Variants in ANK2 observed in about 807,000 individuals in gnomAD.
The protein encoded by ANK2 is ankyrin-2.
Under a neutral mutation model 360.5 loss-of-function variants are expected in ANK2, and 83 were observed. The observed-to-expected ratio is 0.23, with a 90% CI of 0.19 to 0.28. The LOEUF is 0.28. Ranked by LOEUF, ANK2 falls within the 10% of genes least tolerant of loss-of-function variation. ANK2 has a pLI of 1.00. For synonymous variants in ANK2, 1,740 were observed against 1,759.5 expected, an observed-to-expected ratio of 0.99 and a Z score of 0.28; for missense variants, 4,201 against 4,795.7, an observed-to-expected ratio of 0.88 and a Z score of 3.66.
chr4:112,829,975 A>AT (rs1239581482), intron 1 of ANK2, among the ~76,000 whole-genome samples: 6 of 151,912 alleles, frequency 3.9e-5, no homozygotes, highest in East Asian at 1.9e-4. Context: ...ATAAAAATAA[A>AT]AAATAAAAAA....
intron 1 of ANK2, among the ~76,000 whole-genome samples, chr4:112,866,478 A>G (rs754945116): frequency 6.6e-5 from 10 of 152,198 alleles, no homozygotes; most frequent in Non-Finnish European, 1.5e-4. Flanking sequence ...ACATAGTTAT[A>G]TTTTCATAAC....
At chr4:112,712,236 T>C in the ANK2 span, among the ~76,000 whole-genome samples, 1 of 149,624 alleles carries the variant, frequency 6.7e-6, no homozygotes, top group East Asian at 2.0e-4. Context: ...TGTGCCACCA[T>C]GCCTGACTAA....
intron 1 of ANK2, among the ~76,000 whole-genome samples, chr4:112,903,326 A>G (rs1436790593): frequency 6.6e-6 from 1 of 152,186 alleles, no homozygotes; most frequent in East Asian, 1.9e-4. Context: ...GAGAGTTTGT[A>G]GAAAGTGTAG....
intron 22 of ANK2, among the ~76,000 whole-genome samples, chr4:113,297,810 G>A (rs2072665176): frequency 6.6e-6 from 1 of 151,540 alleles, no homozygotes; most frequent in South Asian, 2.1e-4. Flanking sequence ...TTTGAGACAG[G>A]ATCTCACGCT....
At chr4:113,147,462 C>T (rs1216702029) in intron 1 of ANK2, among the ~76,000 whole-genome samples, 3 of 152,108 alleles carry the variant, frequency 2.0e-5, no homozygotes, top group Non-Finnish European at 2.9e-5. Flanking sequence ...TTAATATAGC[C>T]TGTTAGTCAT....
chr4:113,343,127 T>G lies in ANK2; in HGVS notation c.4233T>G (p.Leu1411=). The stretch of plus-strand genomic sequence containing the variant: ...TTTTTGCCTTCAAAGAAAATAGACT[T>G]CCTCTATTTGTCAAGGTAATATATA... ...FSFFAFKENR[L]PLFVKVRDTT... The change falls in exon 34 of 46, where the codon CTT becomes CTG. Residue 1411 remains leucine, a synonymous_variant. Transcript: ENST00000357077. 1 of 1,613,460 alleles carries G rather than the reference T, an allele frequency of 6.2e-7. No individual in the cohort carries two copies. Among genetic ancestry groups the G allele is most frequent in the Non-Finnish European group, 8.5e-7 (1 of 1,179,500 alleles).
the ANK2 span, among the ~76,000 whole-genome samples, chr4:112,792,105 A>G: frequency 1.5e-5 from 2 of 136,446 alleles, no homozygotes; most frequent in Non-Finnish European, 3.1e-5. Flanking sequence ...GCAATGGTGC[A>G]ATCTCGGCTC....
intron 2 of ANK2, among the ~76,000 whole-genome samples, chr4:113,031,731 A>G (rs1373118750): frequency 6.6e-6 from 1 of 152,022 alleles, no homozygotes; most frequent in South Asian, 2.1e-4. Context: ...GAAGCTTCTC[A>G]TTAAACAAGA....
rs201031689 is a variant in ANK2, at chr4:113,265,028, C to T, written c.1485+33C>T. ...CTGGTGCCCTGAGGTTCTCTTCTAT[C>T]GCAGCGCATGAGTTTCATCCTTAAG... On this transcript the variant is annotated intron_variant, in intron 14 of 45. Coordinates refer to ENST00000357077, the MANE Select transcript of ANK2 (RefSeq NM_001148.6). The T allele has an allele frequency of 1.6e-5, 24 of 1,539,700 alleles. No individual in the cohort carries two copies. In the African/African-American group the frequency reaches 2.5e-4, roughly 16 times the overall value.
intron 32 of ANK2, among the ~76,000 whole-genome samples, chr4:113,339,908 G>A (rs2094058818): frequency 6.6e-6 from 1 of 152,180 alleles, no homozygotes; most frequent in South Asian, 2.1e-4. Context: ...ACAACTTTGT[G>A]ACTTAAGTAG....
chr4:113,369,507 A>G lies in ANK2; in HGVS notation c.11319-7A>G. The G allele has an allele frequency of 1.2e-6, 2 of 1,613,394 alleles. No individual in the cohort carries two copies. Among genetic ancestry groups the G allele is most frequent in the South Asian group, 2.2e-5 (2 of 91,080 alleles). ...CCCTGAAGTCTCATTTGGCTTTTTG[A>G]TTCCAGTGTGACAACTCCAGGAACA... On this transcript the variant is annotated splice_region_variant and splice_polypyrimidine_tract_variant and intron_variant, in intron 42 of 45. Coordinates refer to ENST00000357077, the MANE Select transcript of ANK2 (RefSeq NM_001148.6).
intron 1 of ANK2, among the ~76,000 whole-genome samples, chr4:112,838,523 CTT>C (rs2061447277): frequency 6.6e-6 from 1 of 152,238 alleles, no homozygotes; most frequent in Non-Finnish European, 1.5e-5. Context: ...CCTTCTCTCT[CTT>C]GGACTTCCTA....
chr4:112,959,897 T>C (rs1295085484), intron 2 of ANK2, among the ~76,000 whole-genome samples: 1 of 152,138 alleles, frequency 6.6e-6, no homozygotes, highest in Admixed American at 6.5e-5. Flanking sequence ...CTCGGAACTG[T>C]CCACAATGAC....
chr4:113,186,266 G>A (rs538592753), intron 2 of ANK2, among the ~76,000 whole-genome samples: 2 of 152,272 alleles, frequency 1.3e-5, no homozygotes, highest in East Asian at 1.9e-4. Context: ...AAACGATCTG[G>A]AGTAGACCTC....
intron 1 of ANK2, among the ~76,000 whole-genome samples, chr4:113,170,153 G>A (rs1296185009): frequency 6.6e-6 from 1 of 152,138 alleles, no homozygotes; most frequent in African/African-American, 2.4e-5. Context: ...TGCTTGGAGA[G>A]GAAATTACTA....
chr4:113,218,275 T>C (rs946015040), intron 4 of ANK2, among the ~76,000 whole-genome samples: 1 of 152,214 alleles, frequency 6.6e-6, no homozygotes, highest in Admixed American at 6.5e-5. Context: ...TGACGACTGT[T>C]GAGAAAACAC....
chr4:113,186,568 C>G (rs985766294), intron 2 of ANK2, among the ~76,000 whole-genome samples: 1 of 79,490 alleles, frequency 1.3e-5, no homozygotes, highest in Non-Finnish European at 2.3e-5. Context: ...GTGTCTCTCT[C>G]TCTCTCTCTC....
chr4:113,086,482 T>C (rs2084825245), intron 1 of ANK2, among the ~76,000 whole-genome samples: 1 of 152,246 alleles, frequency 6.6e-6, no homozygotes, highest in African/African-American at 2.4e-5. Flanking sequence ...GCCAACTCTC[T>C]GGCAGGCCCT....
intron 1 of ANK2, chr4:113,149,041 C>T (rs1377098889): frequency 6.6e-6 from 1 of 152,258 alleles, no homozygotes; most frequent in Non-Finnish European, 1.5e-5. Flanking sequence ...CTCTCCCTTT[C>T]TCCCCATCTC....
Sources: allele counts gnomAD v4.1 joint callset (sites outside exome capture counted in the v4.1 genomes callset), GRCh38; gene constraint gnomAD v4.1.1; transcripts MANE v1.5; gene names NCBI Gene and HGNC (gene_info 2026-07-23, HGNC 2026-07-21).